Variants in STARD13 observed in about 807,000 individuals in gnomAD.
STARD13 encodes the protein StAR related lipid transfer domain containing 13.
A neutral mutation model predicts 106.4 loss-of-function variants in STARD13; 62 were observed. That is an observed-to-expected ratio of 0.58 (90% CI 0.48 to 0.72). The LOEUF (loss-of-function observed/expected upper bound fraction) is 0.72. STARD13 is among the 30% of genes least tolerant of loss of function. The pLI is 0.00. For synonymous variants in STARD13, 565 were observed against 553.0 expected (o/e 1.02, Z -0.31); for missense variants, 1,387 against 1,424.0 (o/e 0.97, Z 0.42).
chr13:33,186,106 C>A, intron 1 of STARD13: 1 of 1,541,722 alleles, frequency 6.5e-7, no homozygotes, highest in Non-Finnish European at 8.8e-7. Flanking sequence ...AGGAACCTCA[C>A]TGCTCCCCAG....
At chr13:33,247,537 G>A (rs918136619) in intron 1 of STARD13, among the ~76,000 whole-genome samples, 3 of 151,754 alleles carry the variant, frequency 2.0e-5, no homozygotes, top group Non-Finnish European at 4.4e-5. Flanking sequence ...CCTAATATAC[G>A]TTATATTAGA....
chr13:33,134,636 T>C (rs565644318), intron 4 of STARD13, among the ~76,000 whole-genome samples: 1 of 152,346 alleles, frequency 6.6e-6, no homozygotes, highest in South Asian at 2.1e-4. Context: ...ATGTCTAGCA[T>C]GATTTATCAA....
At chr13:33,338,784 C>A (rs1189357713) in intron 1 of STARD13, among the ~76,000 whole-genome samples, 1 of 150,068 alleles carries the variant, frequency 6.7e-6, no homozygotes, top group Non-Finnish European at 1.5e-5. Flanking sequence ...CTCAGGGATG[C>A]TGAGGCAGGA....
intron 1 of STARD13, among the ~76,000 whole-genome samples, chr13:33,291,138 A>C (rs909861956): frequency 4.6e-5 from 7 of 152,256 alleles, no homozygotes; most frequent in African/African-American, 1.7e-4. Context: ...CTCTACCTGC[A>C]TATACAGAGT....
chr13:33,508,666 C>T, the STARD13 span, among the ~76,000 whole-genome samples: 1 of 152,192 alleles, frequency 6.6e-6, no homozygotes, highest in Non-Finnish European at 1.5e-5. Flanking sequence ...CTGCCCCATT[C>T]CTGGGAAAAA....
chr13:33,650,164 A>ATTTTTTTTT, the STARD13 span, among the ~76,000 whole-genome samples: 8 of 48,374 alleles, frequency 1.7e-4, 3 homozygotes, highest in East Asian at 1.5e-3. Context: ...CGTGACTCCA[A>ATTTTTTTTT]TTTTTTTTTT....
chr13:33,517,523 TTC>T, the STARD13 span, among the ~76,000 whole-genome samples: 5 of 152,168 alleles, frequency 3.3e-5, no homozygotes, highest in Non-Finnish European at 7.4e-5. Flanking sequence ...AGAATTGACT[TTC>T]TGGAAAATTA....
intron 1 of STARD13, among the ~76,000 whole-genome samples, chr13:33,213,192 A>G (rs1003906279): frequency 2.0e-5 from 3 of 152,198 alleles, no homozygotes; most frequent in African/African-American, 7.2e-5. Context: ...ACAGTTTGAA[A>G]ATGTCGGCAA....
At chr13:33,590,928 A>G in the STARD13 span, among the ~76,000 whole-genome samples, 18 of 152,212 alleles carry the variant, frequency 1.2e-4, no homozygotes, top group Non-Finnish European at 5.9e-5. Context: ...TAAACTTATT[A>G]TTTTCCAATC....
the STARD13 span, among the ~76,000 whole-genome samples, chr13:33,370,747 T>A: frequency 2.6e-5 from 4 of 151,506 alleles, no homozygotes; most frequent in South Asian, 6.3e-4. Context: ...GCCTCCCAAG[T>A]GGCTGGGATT....
the STARD13 span, among the ~76,000 whole-genome samples, chr13:33,624,107 A>G: frequency 6.6e-6 from 1 of 152,260 alleles, no homozygotes; most frequent in Non-Finnish European, 1.5e-5. Context: ...ATCTGCTCCT[A>G]GAAATGAGTA....
chr13:33,543,334 C>T, the STARD13 span, among the ~76,000 whole-genome samples: 2 of 152,116 alleles, frequency 1.3e-5, no homozygotes, highest in African/African-American at 4.8e-5. Context: ...TAGTAATTTG[C>T]TTTAAAATAG....
chr13:33,390,488 T>C, the STARD13 span, among the ~76,000 whole-genome samples: 5 of 152,156 alleles, frequency 3.3e-5, no homozygotes, highest in African/African-American at 7.2e-5. Flanking sequence ...TTTACTCTAC[T>C]TGAGAATGAC....
At chr13:33,434,024 G>T in the STARD13 span, among the ~76,000 whole-genome samples, 13 of 152,278 alleles carry the variant, frequency 8.5e-5, no homozygotes, top group African/African-American at 3.1e-4. Flanking sequence ...ATTCTTTGGA[G>T]AGTATTTGTT....
chr13:33,149,251 G>A (rs1319026385), intron 3 of STARD13, among the ~76,000 whole-genome samples: 1 of 152,126 alleles, frequency 6.6e-6, no homozygotes, highest in Non-Finnish European at 1.5e-5. Flanking sequence ...AAATGTACCA[G>A]TCTGGTGGGG....
Position 33,310,840 on chromosome 13 carries a change from G to A in STARD13, c.124+39450C>T, listed in dbSNP as rs543362651. ...AGTTTGCAAACAAACCTAGATGGTA[G>A]AACCTATGACACACCCAGGCTATCT... is the stretch of plus-strand genomic sequence containing the variant. On this transcript the variant is annotated intron_variant, in intron 1 of 5. Transcript: ENST00000567873. Among the ~76,000 whole-genome samples the A allele has an allele frequency of 3.3e-5, 5 of 152,110 alleles. No individual in the cohort carries two copies. In the South Asian group the frequency reaches 1.0e-3, roughly 32 times the overall value.
intron 1 of STARD13, among the ~76,000 whole-genome samples, chr13:33,326,569 T>C (rs1262515523): frequency 6.6e-6 from 1 of 152,090 alleles, no homozygotes; most frequent in East Asian, 1.9e-4. Context: ...CGAAGTGGGG[T>C]TCACACATCA....
intron 1 of STARD13, among the ~76,000 whole-genome samples, chr13:33,227,068 C>T (rs1292606389): frequency 6.6e-6 from 1 of 152,134 alleles, no homozygotes; most frequent in Admixed American, 6.5e-5. Flanking sequence ...GTGTTTTCAG[C>T]AAAGCAAACT....
At chr13:33,470,735 T>G in the STARD13 span, among the ~76,000 whole-genome samples, 2 of 152,254 alleles carry the variant, frequency 1.3e-5, no homozygotes, top group Non-Finnish European at 2.9e-5. Flanking sequence ...TTGAGAAGTG[T>G]CTGTTCATAT....
Sources: gnomAD v4.1 joint callset for allele counts (sites outside exome capture counted in the v4.1 genomes callset) on GRCh38, gnomAD v4.1.1 for gene constraint, MANE v1.5 for transcripts, NCBI Gene and HGNC (gene_info 2026-07-23, HGNC 2026-07-21) for gene names.